The following DCHS2 variants were observed in gnomAD, a reference collection of about 807,000 sequenced individuals.
DCHS2 encodes the protein dachsous cadherin-related 2, also known as protocadherin-23.
DCHS2 carries 142 observed loss-of-function variants against 182.4 expected under a neutral mutation model. The observed-to-expected ratio is 0.78, with a 90% CI of 0.68 to 0.89. The LOEUF is 0.89. Among genes scored for constraint, DCHS2 ranks in the 40% least tolerant of loss-of-function variants. The pLI, the probability that DCHS2 is intolerant of heterozygous loss-of-function variation, is 0.00. For missense variants in DCHS2, 4,319 were observed against 4,198.6 expected (o/e 1.03, Z -0.79); for synonymous variants, 1,740 against 1,663.3 (o/e 1.05, Z -1.12).
At chr4:154,378,028 G>C (rs1010651564) in intron 1 of DCHS2, among the ~76,000 whole-genome samples, 2 of 152,144 alleles carry the variant, frequency 1.3e-5, no homozygotes, top group Non-Finnish European at 2.9e-5. Flanking sequence ...CTCAATCAGG[G>C]CCCTGCACAG....
In DCHS2 at chr4:154,443,048, A is replaced by G. The variant is rs188765690; in HGVS notation, c.2052+46256T>C. Among the ~76,000 whole-genome samples the G allele has an allele frequency of 2.0e-5, 3 of 151,462 alleles. No homozygotes were observed. The East Asian group carries it at 5.8e-4, about 29-fold the overall frequency. ...CCACCTCCTCCCCTCTGTCCAGCCT[A>G]CTCACTCCAGTATCCACTCCAACCA... On this transcript the variant is annotated intron_variant, in intron 1 of 19. Transcript: ENST00000357232.
chr4:154,491,650 C>T lies in DCHS2; in HGVS notation c.-295G>A, dbSNP rs1011884427. On this transcript the variant is annotated 5_prime_UTR_variant, in exon 1 of 20. Transcript: ENST00000357232. Reference sequence around the variant, plus strand: ...ATCTCTTTTTCTCTCTCCTTTTATTCCCTTTACATCTGTTCCTTGTTCTAC... The same window carrying T: ...ATCTCTTTTTCTCTCTCCTTTTATTTCCTTTACATCTGTTCCTTGTTCTAC... 1 of 1,264,786 alleles carries T rather than the reference C, an allele frequency of 7.9e-7. No homozygotes were observed. Among genetic ancestry groups the T allele is most frequent in the Non-Finnish European group, 9.9e-7 (1 of 1,008,034 alleles). The allele number at this position is 1,264,786 out of a possible 1,614,324, so 78.3% of individuals were successfully genotyped here. A position where few individuals can be genotyped will look rare whatever the true frequency, so the allele number is the denominator to read the frequency against.
At chr4:154,368,171 AC>A (rs932077176) in intron 2 of DCHS2, among the ~76,000 whole-genome samples, 1 of 152,078 alleles carries the variant, frequency 6.6e-6, no homozygotes, top group African/African-American at 2.4e-5. Flanking sequence ...ACCCTAAGTA[AC>A]CTGTATGTCT....
At chr4:154,269,613 A>G (rs184132641) in intron 14 of DCHS2, among the ~76,000 whole-genome samples, 156 of 152,206 alleles carry the variant, frequency 1.0e-3, no homozygotes, top group Middle Eastern at 3.4e-3. Context: ...TCTATCTCCA[A>G]TTTTCCCAAA....
chr4:154,402,799 T>C (rs13123721), intron 1 of DCHS2, among the ~76,000 whole-genome samples: 107,496 of 152,062 alleles, frequency 0.71, 39,795 homozygotes, highest in Admixed American at 0.81. Context: ...GCCAAACATA[T>C]ACACTAATGC....
At chr4:154,433,134 T>C (rs892783519) in intron 1 of DCHS2, among the ~76,000 whole-genome samples, 1 of 152,100 alleles carries the variant, frequency 6.6e-6, no homozygotes, top group African/African-American at 2.4e-5. Context: ...GAATTTTTAT[T>C]TATAAAAAGA....
intron 19 of DCHS2, among the ~76,000 whole-genome samples, chr4:154,237,837 A>C (rs1731607082): frequency 1.3e-5 from 2 of 152,240 alleles, no homozygotes; most frequent in African/African-American, 4.8e-5. Flanking sequence ...TGTTTCAGTT[A>C]GAGTCCCACC....
intron 2 of DCHS2, chr4:154,374,077 T>C: frequency 1.2e-6 from 1 of 853,140 alleles, no homozygotes; most frequent in South Asian, 1.8e-5. Flanking sequence ...GACACCTGGA[T>C]TAAAGTCAAA....
intron 17 of DCHS2, among the ~76,000 whole-genome samples, chr4:154,241,464 T>C (rs1317351888): frequency 6.6e-6 from 1 of 152,122 alleles, no homozygotes; most frequent in African/African-American, 2.4e-5. Flanking sequence ...ATAGATGAAA[T>C]GTTCAATGCC....
At chr4:154,329,799 A>C in intron 5 of DCHS2, 89 bp from the exon 6 acceptor site, 1 of 1,235,736 alleles carries the variant, frequency 8.1e-7, no homozygotes, top group Non-Finnish European at 1.1e-6. Context: ...ACCAAGTACA[A>C]AGCTTTGAGC....
intron 1 of DCHS2, among the ~76,000 whole-genome samples, chr4:154,421,721 T>C (rs2110916081): frequency 1.3e-5 from 2 of 152,346 alleles, no homozygotes; most frequent in South Asian, 2.1e-4. Context: ...CGCTTTCGTC[T>C]GCTTTAAAAA....
intron 1 of DCHS2, among the ~76,000 whole-genome samples, chr4:154,435,484 T>C (rs895352928): frequency 1.3e-5 from 2 of 151,790 alleles, no homozygotes; most frequent in Non-Finnish European, 2.9e-5. Flanking sequence ...TAGTCCCAGC[T>C]ACTCGGGAGG....
Position 154,380,996 on chromosome 4 carries a change from G to A in DCHS2, c.2053-3552C>T, listed in dbSNP as rs1404665771. Among the ~76,000 whole-genome samples the A allele has an allele frequency of 4.4e-4, 67 of 152,140 alleles. 2 individuals carry two copies. Among genetic ancestry groups the A allele is most frequent in the Admixed American group, 4.2e-3 (64 of 15,266 alleles). Reference sequence around the variant, plus strand: ...AGAGGAAATCTTGCTTAGTTAATAAGCTCCATGGGCCCTTTCTCCAAAGAT... The same window carrying A: ...AGAGGAAATCTTGCTTAGTTAATAAACTCCATGGGCCCTTTCTCCAAAGAT... On this transcript the variant is annotated intron_variant, in intron 1 of 19. Transcript: ENST00000357232.
chr4:154,444,147 C>T (rs1734157097), intron 1 of DCHS2, among the ~76,000 whole-genome samples: 1 of 152,016 alleles, frequency 6.6e-6, no homozygotes, highest in African/African-American at 2.4e-5. Context: ...GGTGGTGGGG[C>T]CCAAACTAAT....
chr4:154,428,342 C>A (rs562880554), intron 1 of DCHS2, among the ~76,000 whole-genome samples: 1 of 151,954 alleles, frequency 6.6e-6, no homozygotes, highest in Non-Finnish European at 1.5e-5. Context: ...GAGTTCAAGA[C>A]CAGCTTGGGT....
chr4:154,251,673 C>A (rs1040659631), intron 16 of DCHS2, among the ~76,000 whole-genome samples: 4 of 152,110 alleles, frequency 2.6e-5, no homozygotes, highest in African/African-American at 7.2e-5. Context: ...AGCCCGCCAC[C>A]ATGCCTGGCT....
At chr4:154,285,072 T>C (rs1050330505) in intron 13 of DCHS2, among the ~76,000 whole-genome samples, 2 of 152,148 alleles carry the variant, frequency 1.3e-5, no homozygotes, top group South Asian at 2.1e-4. Context: ...GGCAGAGTGC[T>C]GAGGCCCCCA....
chr4:154,468,215 T>C (rs1735316702), intron 1 of DCHS2, among the ~76,000 whole-genome samples: 1 of 152,168 alleles, frequency 6.6e-6, no homozygotes, highest in African/African-American at 2.4e-5. Flanking sequence ...TATCACATTT[T>C]GAATGGTTTA....
At chr4:154,338,752 A>G (rs984209676) in intron 3 of DCHS2, among the ~76,000 whole-genome samples, 40 of 152,370 alleles carry the variant, frequency 2.6e-4, no homozygotes, top group African/African-American at 9.1e-4. Context: ...TGTAGCATCA[A>G]AATGAAGTAA....
Sources: allele counts gnomAD v4.1 joint callset (sites outside exome capture counted in the v4.1 genomes callset), GRCh38; gene constraint gnomAD v4.1.1; transcripts MANE v1.5; gene names NCBI Gene and HGNC (gene_info 2026-07-23, HGNC 2026-07-21).